The following TRPM1 variants were observed in gnomAD, a reference collection of about 807,000 sequenced individuals.
TRPM1 encodes the protein transient receptor potential cation channel subfamily M member 1.
In TRPM1, 113 loss-of-function variants were observed where a neutral mutation model predicts 149.4. The observed-to-expected ratio is 0.76, with a 90% CI of 0.65 to 0.88. TRPM1 has a LOEUF of 0.88. Among genes scored for constraint, TRPM1 ranks in the 40% least tolerant of loss-of-function variants. TRPM1 has a pLI of 0.00. For missense variants in TRPM1, 1,976 were observed against 2,038.7 expected (o/e 0.97, Z 0.59); for synonymous variants, 741 against 759.5 (o/e 0.98, Z 0.40).
intron 18 of TRPM1, 50 bp from the exon 19 acceptor site, chr15:31,038,216 T>A: frequency 6.2e-7 from 1 of 1,606,044 alleles, no homozygotes; most frequent in South Asian, 1.1e-5. Context: ...TAGAAAAATG[T>A]CCCAGCATAG....
intron 11 of TRPM1, among the ~76,000 whole-genome samples, chr15:31,053,191 A>C (rs562585622): frequency 6.6e-6 from 1 of 152,348 alleles, no homozygotes; most frequent in Admixed American, 6.5e-5. Context: ...ATCATTAGGG[A>C]AATACAAATC....
intron 27 of TRPM1, among the ~76,000 whole-genome samples, chr15:31,015,894 A>G (rs2140883778): frequency 6.6e-6 from 1 of 152,232 alleles, no homozygotes; most frequent in East Asian, 1.9e-4. Flanking sequence ...CTTGTTCTTC[A>G]TCCCCACATT....
chr15:31,020,063 C>T (rs138041198), intron 27 of TRPM1, among the ~76,000 whole-genome samples: 25 of 152,358 alleles, frequency 1.6e-4, no homozygotes, highest in African/African-American at 6.0e-4. Flanking sequence ...GGGATTCTAG[C>T]TGTATGCTGC....
At chr15:31,061,338 A>C in intron 10 of TRPM1, 104 bp downstream of exon 10, 2 of 1,152,856 alleles carry the variant, frequency 1.7e-6, no homozygotes, top group South Asian at 1.3e-5. Context: ...TGGCTGGCTC[A>C]GGGTCTAGCA....
chr15:31,070,289 A>C, intron 3 of TRPM1, 63 bp from the exon 4 acceptor site: 1 of 1,512,378 alleles, frequency 6.6e-7, no homozygotes, highest in South Asian at 1.1e-5. Context: ...TTCATTAGCA[A>C]AAATGAATTA....
At chr15:31,075,371 T>C (rs543060650) in intron 3 of TRPM1, among the ~76,000 whole-genome samples, 1 of 152,346 alleles carries the variant, frequency 6.6e-6, no homozygotes, top group East Asian at 1.9e-4. Context: ...CATATATGTT[T>C]ATATTTGTTG....
intron 1 of TRPM1, among the ~76,000 whole-genome samples, chr15:31,097,224 T>TCACC (rs1204168099): frequency 2.0e-5 from 3 of 149,514 alleles, no homozygotes; most frequent in East Asian, 2.0e-4. Flanking sequence ...CAGGTAGCTG[T>TCACC]CACCCACCCA....
chr15:31,063,876 G>T (rs961705316), intron 7 of TRPM1, among the ~76,000 whole-genome samples: 2 of 152,106 alleles, frequency 1.3e-5, no homozygotes, highest in Non-Finnish European at 2.9e-5. Context: ...CCTGATGTTG[G>T]GGCTACTTCA....
At chr15:31,127,950 G>A (rs769103746) in intron 1 of TRPM1, among the ~76,000 whole-genome samples, 1 of 152,196 alleles carries the variant, frequency 6.6e-6, no homozygotes, top group Non-Finnish European at 1.5e-5. Flanking sequence ...AGGAGAAAGC[G>A]CTGGCATTCT....
chr15:31,077,398 C>G (rs1287917029), intron 2 of TRPM1, among the ~76,000 whole-genome samples: 1 of 152,130 alleles, frequency 6.6e-6, no homozygotes, highest in Middle Eastern at 3.2e-3. Context: ...CCTGCTGGTG[C>G]TGGATGCTCA....
intron 1 of TRPM1, among the ~76,000 whole-genome samples, chr15:31,088,343 T>G (rs1023698244): frequency 6.6e-6 from 1 of 152,232 alleles, no homozygotes; most frequent in Non-Finnish European, 1.5e-5. Flanking sequence ...TTATTGGTTG[T>G]GGAAGCTTTC....
chr15:31,111,875 TA>T (rs1352124407), intron 1 of TRPM1, among the ~76,000 whole-genome samples: 11 of 151,696 alleles, frequency 7.3e-5, no homozygotes, highest in African/African-American at 2.7e-4. Context: ...CAATAACCCA[TA>T]AAGCAAAACA....
intron 2 of TRPM1, among the ~76,000 whole-genome samples, chr15:31,081,054 C>T (rs891264220): frequency 2.0e-5 from 3 of 152,282 alleles, no homozygotes; most frequent in Non-Finnish European, 4.4e-5. Context: ...GCAGGGCCCC[C>T]TGTCCCCCCC....
chr15:31,063,608 A>G (rs185183460), intron 7 of TRPM1, among the ~76,000 whole-genome samples: 1 of 152,108 alleles, frequency 6.6e-6, no homozygotes, highest in Non-Finnish European at 1.5e-5. Flanking sequence ...CTATGGGCAC[A>G]TGCCACCACA....
Position 31,002,214 on chromosome 15 carries a change from C to G in TRPM1, c.4486G>C (p.Val1496Leu). Residue 1496 changes from valine (V) to leucine (L), a missense_variant, in exon 28 of 28, where the codon GTT becomes CTT. Val to Leu is a conservative substitution (Grantham distance 32). Coordinates refer to ENST00000256552, the MANE Select transcript of TRPM1 (RefSeq NM_001252024.2). The stretch of plus-strand genomic sequence containing the variant: ...CTATGAGAGCGCGTGATCTTTTGAA[C>G]TTGGCATTGCCATTCCGTCGTCAAT... ...QQLTTEWQCQVQKITRSHSTD... is the reference protein window; with the variant it reads ...QQLTTEWQCQLQKITRSHSTD... 8 of 1,614,252 alleles carry G rather than the reference C, an allele frequency of 5.0e-6. No homozygotes were observed. The highest frequency in any genetic ancestry group is 6.8e-6 in the Non-Finnish European group (8 of 1,180,048).
At chr15:31,130,800 G>C (rs904536823) in intron 1 of TRPM1, among the ~76,000 whole-genome samples, 1 of 152,070 alleles carries the variant, frequency 6.6e-6, no homozygotes, top group Non-Finnish European at 1.5e-5. Context: ...GCACTCCCGG[G>C]CCCGCTACCT....
At chr15:31,086,532 C>T (rs531407335) in intron 1 of TRPM1, among the ~76,000 whole-genome samples, 1 of 152,346 alleles carries the variant, frequency 6.6e-6, no homozygotes, top group East Asian at 1.9e-4. Context: ...ATGATGTGCC[C>T]TGTAAATGGG....
At chr15:31,061,132 G>A (rs1029869644) in intron 10 of TRPM1, among the ~76,000 whole-genome samples, 8 of 152,174 alleles carry the variant, frequency 5.3e-5, no homozygotes, top group African/African-American at 1.7e-4. Flanking sequence ...AGAACACTGC[G>A]GAATGCAGTG....
chr15:31,082,588 T>C (rs1041224351), intron 1 of TRPM1, among the ~76,000 whole-genome samples: 19 of 152,202 alleles, frequency 1.2e-4, no homozygotes, highest in African/African-American at 4.3e-4. Context: ...TTTTCATCTG[T>C]AGCCAGGACC....
Sources: allele counts gnomAD v4.1 joint callset (sites outside exome capture counted in the v4.1 genomes callset), GRCh38; gene constraint gnomAD v4.1.1; transcripts MANE v1.5; gene names NCBI Gene and HGNC (gene_info 2026-07-23, HGNC 2026-07-21).